Variants in DIP2C observed in about 807,000 individuals in gnomAD.
DIP2C encodes the protein disco-interacting protein 2 homolog C.
A neutral mutation model predicts 192.4 loss-of-function variants in DIP2C; 33 were observed. That is an observed-to-expected ratio of 0.17 (90% CI 0.13 to 0.23). The LOEUF is 0.23. Ranked by LOEUF, DIP2C falls within the 10% of genes least tolerant of loss-of-function variation. DIP2C has a pLI of 1.00. For missense variants in DIP2C, 1,537 were observed against 2,110.1 expected (o/e 0.73, Z 5.32); for synonymous variants, 979 against 864.1 (o/e 1.13, Z -2.33).
At chr10:487,608 C>CT (rs1844122437) in intron 1 of DIP2C, among the ~76,000 whole-genome samples, 1 of 118,918 alleles carries the variant, frequency 8.4e-6, no homozygotes, top group Non-Finnish European at 1.6e-5. Context: ...GAGACAGTCT[C>CT]TCTCTGTCGC....
intron 1 of DIP2C, among the ~76,000 whole-genome samples, chr10:542,856 A>C (rs965734006): frequency 6.7e-6 from 1 of 149,120 alleles, no homozygotes; most frequent in African/African-American, 2.5e-5. Flanking sequence ...TATACCACAG[A>C]TCATCAGATC....
intron 1 of DIP2C, among the ~76,000 whole-genome samples, chr10:622,106 C>T (rs1238468606): frequency 6.6e-6 from 1 of 151,140 alleles, no homozygotes; most frequent in Non-Finnish European, 1.5e-5. Flanking sequence ...TAAGGAAAGA[C>T]ATGATTCCAG....
chr10:517,589 C>T (rs1846441387), intron 1 of DIP2C, among the ~76,000 whole-genome samples: 1 of 152,182 alleles, frequency 6.6e-6, no homozygotes, highest in African/African-American at 2.4e-5. Context: ...CCCAGAATGT[C>T]AGAAGAAAAG....
intron 1 of DIP2C, among the ~76,000 whole-genome samples, chr10:514,750 G>T (rs749139019): frequency 2.0e-5 from 3 of 151,782 alleles, no homozygotes; most frequent in Non-Finnish European, 2.9e-5. Flanking sequence ...GAGGATGCCC[G>T]TATCAACGCC....
At chr10:452,127 A>G (rs973867466) in intron 3 of DIP2C, among the ~76,000 whole-genome samples, 10 of 152,212 alleles carry the variant, frequency 6.6e-5, no homozygotes, top group African/African-American at 2.2e-4. Flanking sequence ...AAGATGTCAG[A>G]CTGTGGACTG....
At chr10:684,021 C>A (rs1038196006) in intron 1 of DIP2C, among the ~76,000 whole-genome samples, 2 of 152,248 alleles carry the variant, frequency 1.3e-5, no homozygotes, top group Non-Finnish European at 1.5e-5. Flanking sequence ...TGGCTCGGGC[C>A]CCTAACGGCA....
chr10:348,269 C>T (rs984409692), intron 26 of DIP2C, among the ~76,000 whole-genome samples: 2 of 152,240 alleles, frequency 1.3e-5, no homozygotes, highest in South Asian at 2.1e-4. Flanking sequence ...CAAAAAGGAG[C>T]AGGAAACTTC....
intron 3 of DIP2C, among the ~76,000 whole-genome samples, chr10:450,041 C>T (rs1240636865): frequency 6.6e-6 from 1 of 152,046 alleles, no homozygotes; most frequent in Admixed American, 6.6e-5. Flanking sequence ...CTCACCATCT[C>T]GAATGGGGAA....
At chr10:567,837 C>T (rs901632821) in intron 1 of DIP2C, among the ~76,000 whole-genome samples, 1 of 151,710 alleles carries the variant, frequency 6.6e-6, no homozygotes, top group African/African-American at 2.4e-5. Flanking sequence ...ACCATTTTGG[C>T]CAAGCTGGTC....
At chr10:524,502 A>G (rs943716554) in intron 1 of DIP2C, among the ~76,000 whole-genome samples, 3 of 152,122 alleles carry the variant, frequency 2.0e-5, no homozygotes, top group African/African-American at 7.2e-5. Flanking sequence ...TTACATATAT[A>G]TGTGTATATG....
chr10:591,913 C>G (rs1851425424), intron 1 of DIP2C, among the ~76,000 whole-genome samples: 1 of 152,168 alleles, frequency 6.6e-6, no homozygotes, highest in Non-Finnish European at 1.5e-5. Flanking sequence ...AAATCACATT[C>G]CACAAACAGC....
chr10:384,665 G>A, intron 14 of DIP2C, 26 bp from the exon 15 acceptor site: 1 of 1,611,372 alleles, frequency 6.2e-7, no homozygotes, highest in African/African-American at 1.3e-5. Flanking sequence ...GAACACGCAG[G>A]GTGAGCATGG....
chr10:686,770 G>A (rs191538267), intron 1 of DIP2C, among the ~76,000 whole-genome samples: 25 of 152,392 alleles, frequency 1.6e-4, no homozygotes, highest in Admixed American at 3.9e-4. Context: ...CGGCCCCGCA[G>A]CAGGAAGTGC....
chr10:646,233 T>C (rs1321463350), intron 1 of DIP2C, among the ~76,000 whole-genome samples: 1 of 152,150 alleles, frequency 6.6e-6, no homozygotes, highest in Non-Finnish European at 1.5e-5. Context: ...CCCCAAGGGC[T>C]GTTTCCAGGA....
intron 17 of DIP2C, 35 bp downstream of exon 17, chr10:382,612 C>G (rs745341849): frequency 1.2e-5 from 19 of 1,532,880 alleles, no homozygotes; most frequent in Non-Finnish European, 1.6e-5. Context: ...AGGACTGTCT[C>G]TAGGTTATCT....
intron 1 of DIP2C, among the ~76,000 whole-genome samples, chr10:575,634 G>C (rs551016467): frequency 2.6e-5 from 4 of 152,188 alleles, no homozygotes; most frequent in African/African-American, 9.7e-5. Flanking sequence ...AAGCCTTCCA[G>C]ACATGACATC....
At chr10:292,077 C>A (rs950585751) in intron 32 of DIP2C, among the ~76,000 whole-genome samples, 1 of 152,248 alleles carries the variant, frequency 6.6e-6, no homozygotes, top group Non-Finnish European at 1.5e-5. Flanking sequence ...GCAGAGCTCA[C>A]CTTCTGTGAG....
At chr10:311,966 G>T (rs888233990) in intron 31 of DIP2C, among the ~76,000 whole-genome samples, 21 of 152,110 alleles carry the variant, frequency 1.4e-4, no homozygotes, top group Admixed American at 9.8e-4. Context: ...TAAATCTGTT[G>T]AGGTAGTTCC....
chr10:532,738 TGAGAGAGA>T (rs75061527), intron 1 of DIP2C, among the ~76,000 whole-genome samples: 2 of 86,558 alleles, frequency 2.3e-5, no homozygotes, highest in Admixed American at 1.3e-4. Context: ...AGTATGGGTG[TGAGAGAGA>T]GTATGGGTGT....
Sources: allele counts gnomAD v4.1 joint callset (sites outside exome capture counted in the v4.1 genomes callset), GRCh38; gene constraint gnomAD v4.1.1; transcripts MANE v1.5; gene names NCBI Gene and HGNC (gene_info 2026-07-23, HGNC 2026-07-21).